MAD1L1: variants seen among roughly 807,000 people sequenced by gnomAD.
MAD1L1 encodes mitotic spindle assembly checkpoint protein MAD1.
Under a neutral mutation model 96.9 loss-of-function variants are expected in MAD1L1, and 95 were observed. That is an observed-to-expected ratio of 0.98 (90% CI 0.83 to 1.16). The LOEUF is 1.16. MAD1L1 is among the 50% of genes most tolerant of loss of function. The probability of loss-of-function intolerance (pLI) is 0.00; values close to 1 mark genes in which losing one functional copy is unlikely to be tolerated. For missense variants in MAD1L1, 1,007 were observed against 954.4 expected (o/e 1.06, Z -0.73); for synonymous variants, 473 against 396.6 (o/e 1.19, Z -2.29).
Position 1,968,441 on chromosome 7 carries a change from C to T in MAD1L1, c.1506-10722G>A, listed in dbSNP as rs114336671. Among the ~76,000 whole-genome samples the T allele has an allele frequency of 3.5e-3, 530 of 149,308 alleles. 2 individuals carry two copies. The highest frequency in any genetic ancestry group is 0.013 in the African/African-American group (506 of 40,344). ...GTCCGGCGATCAGGTCCACCGTCAACGCCAGCAGTCATGTCCACCATCAAT... is the reference window on the plus strand; with the variant it reads ...GTCCGGCGATCAGGTCCACCGTCAATGCCAGCAGTCATGTCCACCATCAAT... On this transcript the variant is annotated intron_variant, in intron 15 of 18. Transcript: ENST00000265854. This position sits in a 1 kb window ranked among gnomAD's most constrained non-coding sequence, Gnocchi z 5.6.
intron 18 of MAD1L1, among the ~76,000 whole-genome samples, chr7:1,892,699 C>T (rs1433007584): frequency 2.0e-5 from 3 of 152,166 alleles, no homozygotes; most frequent in African/African-American, 4.8e-5. Flanking sequence ...AGGTCGACAT[C>T]GCCACATGTT....
chr7:2,162,870 A>ATTTTTTTTT (rs1230584718), intron 10 of MAD1L1, among the ~76,000 whole-genome samples: 1 of 147,594 alleles, frequency 6.8e-6, no homozygotes, highest in African/African-American at 2.5e-5. Context: ...TTGGAGTTTC[A>ATTTTTTTTT]TCTTTTTTTT....
intron 1 of MAD1L1, among the ~76,000 whole-genome samples, chr7:2,232,115 C>T (rs980789267): frequency 1.3e-5 from 2 of 152,248 alleles, no homozygotes; most frequent in African/African-American, 4.8e-5. Flanking sequence ...ACCCCCAACA[C>T]CGGCGCTTAC....
At chr7:2,140,794 T>C (rs1311771003) in intron 11 of MAD1L1, among the ~76,000 whole-genome samples, 1 of 152,222 alleles carries the variant, frequency 6.6e-6, no homozygotes, top group Non-Finnish European at 1.5e-5. Context: ...AACAATCTCC[T>C]ATGGCAACTG....
intron 11 of MAD1L1, among the ~76,000 whole-genome samples, chr7:2,130,275 G>A (rs761810207): frequency 2.6e-5 from 4 of 152,176 alleles, no homozygotes; most frequent in Non-Finnish European, 4.4e-5. Context: ...CAGTCACCAC[G>A]TCCTGGGGCT....
intron 11 of MAD1L1, among the ~76,000 whole-genome samples, chr7:2,095,075 C>T (rs1009277617): frequency 1.3e-5 from 2 of 152,064 alleles, no homozygotes; most frequent in African/African-American, 4.8e-5. Context: ...CAGAGTCTCG[C>T]TCTGTCGCCT....
At chr7:2,149,096 C>T (rs1789445910) in intron 11 of MAD1L1, 56 bp downstream of exon 11, 2 of 1,513,886 alleles carry the variant, frequency 1.3e-6, no homozygotes, top group South Asian at 2.3e-5. Context: ...TCTCACTCAC[C>T]CCTAACTCTC....
At chr7:2,082,012 TAG>T (rs957869799) in intron 11 of MAD1L1, among the ~76,000 whole-genome samples, 23 of 152,166 alleles carry the variant, frequency 1.5e-4, no homozygotes, top group African/African-American at 5.3e-4. Flanking sequence ...GAGCCAAAGA[TAG>T]AGACTCTGAA....
chr7:1,829,890 G>A (rs549747172), intron 18 of MAD1L1, among the ~76,000 whole-genome samples: 8 of 152,136 alleles, frequency 5.3e-5, no homozygotes, highest in Non-Finnish European at 1.2e-4. Context: ...ACTTCTCAGA[G>A]GAAATACTGG....
chr7:1,871,584 C>T (rs888299250), intron 18 of MAD1L1, among the ~76,000 whole-genome samples: 1 of 150,364 alleles, frequency 6.7e-6, no homozygotes, highest in Non-Finnish European at 1.5e-5. Context: ...CCACGCCGAA[C>T]CCACCGTAAC....
chr7:2,212,447 G>A (rs1792997137), intron 10 of MAD1L1, among the ~76,000 whole-genome samples: 1 of 152,170 alleles, frequency 6.6e-6, no homozygotes, highest in Non-Finnish European at 1.5e-5. Context: ...CTGAAAGTGG[G>A]GCCCCGTGGG....
Position 1,898,353 on chromosome 7 carries a change from GTTCTTCAGCTCGGCACTCTCCACCTGC to G in MAD1L1, c.1818_1844del (p.Lys606_Lys614del). On this transcript the variant is annotated inframe_deletion, in exon 18 of 19. Coordinates refer to ENST00000265854, the MANE Select transcript of MAD1L1 (RefSeq NM_001013836.2). ...TCTGGAAAACCTCCTTGAGCCGCTG[GTTCTTCAGCTCGGCACTCTCCACCTGC>G]TTCTTCAGCTCTGCGGGAGGGACGG... 6.2e-7 allele frequency: 1 copy of G among 1,614,048 alleles called. No homozygotes were observed. Among genetic ancestry groups the G allele is most frequent in the Non-Finnish European group, 8.5e-7 (1 of 1,180,014 alleles).
intron 6 of MAD1L1, 71 bp from the exon 7 acceptor site, chr7:2,218,114 G>T (rs1289517799): frequency 8.4e-7 from 1 of 1,191,742 alleles, no homozygotes; most frequent in East Asian, 2.3e-5. Context: ...CTCAGCCTGA[G>T]ACCCGCCCCA....
intron 17 of MAD1L1, among the ~76,000 whole-genome samples, chr7:1,926,915 G>A (rs1217331575): frequency 6.6e-6 from 1 of 152,086 alleles, no homozygotes; most frequent in Non-Finnish European, 1.5e-5. Flanking sequence ...GAAGACATAT[G>A]GATCTTAACA....
chr7:1,990,421 G>C (rs1257386780), intron 14 of MAD1L1, among the ~76,000 whole-genome samples: 1 of 152,228 alleles, frequency 6.6e-6, no homozygotes. Context: ...GGGATCTTAG[G>C]TGGAGTCCAC....
intron 11 of MAD1L1, among the ~76,000 whole-genome samples, chr7:2,118,484 G>A (rs1320145232): frequency 6.6e-6 from 1 of 152,218 alleles, no homozygotes; most frequent in East Asian, 1.9e-4. Flanking sequence ...AGCACACAGG[G>A]GTCTGCCCAG....
chr7:2,041,834 G>GT (rs33997793), intron 12 of MAD1L1, among the ~76,000 whole-genome samples: 107,673 of 151,976 alleles, frequency 0.71, 38,699 homozygotes, highest in African/African-American at 0.82. Context: ...GCAGCCCACA[G>GT]GGGGGAGGGA....
intron 12 of MAD1L1, among the ~76,000 whole-genome samples, chr7:2,067,467 C>G (rs964943998): frequency 6.6e-6 from 1 of 152,156 alleles, no homozygotes; most frequent in Non-Finnish European, 1.5e-5. Context: ...CACGTCATCA[C>G]GCACCCAAAG....
intron 18 of MAD1L1, among the ~76,000 whole-genome samples, chr7:1,882,828 G>A (rs575408685): frequency 2.0e-5 from 3 of 152,358 alleles, no homozygotes; most frequent in East Asian, 3.9e-4. Flanking sequence ...CTGGGTCGGT[G>A]CTGAGGTGAG....
Sources: gnomAD v4.1 joint callset for allele counts (sites outside exome capture counted in the v4.1 genomes callset) on GRCh38, gnomAD v4.1.1 for gene constraint, Gnocchi (gnomAD v3.1) non-coding constraint, MANE v1.5 for transcripts, NCBI Gene and HGNC (gene_info 2026-07-23, HGNC 2026-07-21) for gene names.